ERVFRD-1: variants seen among roughly 807,000 people sequenced by gnomAD.
ERVFRD-1 encodes syncytin-2.
A neutral mutation model predicts 43.8 loss-of-function variants in ERVFRD-1; 33 were observed. That is an observed-to-expected ratio of 0.75 (90% CI 0.57 to 1.01). ERVFRD-1 has a LOEUF of 1.01. Among genes scored for constraint, ERVFRD-1 ranks in the 50% least tolerant of loss-of-function variants. The pLI is 0.00. For missense variants in ERVFRD-1, 568 were observed against 658.4 expected (o/e 0.86, Z 1.50); for synonymous variants, 239 against 244.4 (o/e 0.98, Z 0.21).
At chr6:11,107,957 C>T (rs897438273) in intron 1 of ERVFRD-1, among the ~76,000 whole-genome samples, 18 of 152,168 alleles carry the variant, frequency 1.2e-4, no homozygotes, top group Admixed American at 5.9e-4. Flanking sequence ...CCTGTTATTC[C>T]TGAGGCCCAG....
Position 11,104,408 on chromosome 6 carries a change from A to G in ERVFRD-1, c.903T>C (p.Cys301=). The stretch of plus-strand genomic sequence containing the variant: ...GGAGGCATTGGTGAATCGACTGGCC[A>G]CAAATATAAAAGGCTCCTTGAGTTT... The part of the protein sequence containing the change: ...CLKTQGAFYI[C]GQSIHQCLPS... The change falls in exon 2 of 2, where the codon TGT becomes TGC. Residue 301 remains cysteine (C), a synonymous_variant. Transcript: ENST00000472091. The G allele has an allele frequency of 6.4e-7, 1 of 1,551,706 alleles. No homozygotes were observed. Among genetic ancestry groups the G allele is most frequent in the Non-Finnish European group, 8.7e-7 (1 of 1,146,996 alleles).
rs146767799 is a variant in ERVFRD-1, at chr6:11,106,181, C to T, written c.-320-551G>A. ...GGTTGGCTGAACTGAGGAATGAGTT[C>T]CTTTAGGAGGAATTTAGCTACCTCC... On this transcript the variant is annotated intron_variant, in intron 1 of 1. Coordinates refer to ENST00000472091, the MANE Select transcript of ERVFRD-1 (RefSeq NM_207582.3). Among the ~76,000 whole-genome samples, 829 of 152,252 alleles carry T rather than the reference C, an allele frequency of 5.4e-3. 3 individuals are homozygous for T. The highest frequency in any genetic ancestry group is 0.02 in the Middle Eastern group (6 of 294).
At chr6:11,110,175 A>G (rs1758146947) in intron 1 of ERVFRD-1, among the ~76,000 whole-genome samples, 2 of 152,166 alleles carry the variant, frequency 1.3e-5, no homozygotes, top group Non-Finnish European at 1.5e-5. Context: ...CCTCCCACTC[A>G]TCCAAGGGGT....
At chr6:11,106,890 C>T (rs1172553844) in intron 1 of ERVFRD-1, among the ~76,000 whole-genome samples, 1 of 152,226 alleles carries the variant, frequency 6.6e-6, no homozygotes, top group Admixed American at 6.5e-5. Flanking sequence ...GGTACACCCT[C>T]TCCTTCCAGA....
intron 1 of ERVFRD-1, among the ~76,000 whole-genome samples, chr6:11,106,822 G>A (rs2113646280): frequency 6.6e-6 from 1 of 152,356 alleles, no homozygotes; most frequent in East Asian, 1.9e-4. Flanking sequence ...CAAATGAACA[G>A]CTTCTAATAG....
chr6:11,104,430 G>C lies in ERVFRD-1; in HGVS notation c.881C>G (p.Thr294Ser). 6.4e-7 allele frequency: 1 copy of C among 1,551,680 alleles called. No homozygotes were observed. The highest frequency in any genetic ancestry group is 1.2e-5 in the South Asian group (1 of 84,084). ...FHFHISTCLK[T>S]QGAFYICGQS... is the part of the protein sequence containing the mutation. ...GCCACAAATATAAAAGGCTCCTTGA[G>C]TTTTAAGGCATGTAGAGATATGGAA... The change falls in exon 2 of 2, where the codon ACT (threonine) becomes AGT (serine). Residue 294 changes from threonine to serine, a missense_variant. Transcript: ENST00000472091.
intron 1 of ERVFRD-1, among the ~76,000 whole-genome samples, chr6:11,108,860 G>A (rs771065517): frequency 6.6e-6 from 1 of 152,148 alleles, no homozygotes; most frequent in Non-Finnish European, 1.5e-5. Context: ...CTGGGTCTAG[G>A]TTAGTGTGTT....
intron 1 of ERVFRD-1, among the ~76,000 whole-genome samples, chr6:11,108,010 T>C (rs1314496580): frequency 6.6e-6 from 1 of 152,132 alleles, no homozygotes; most frequent in East Asian, 1.9e-4. Flanking sequence ...TTCATCCTTG[T>C]GTATGGTTTC....
chr6:11,103,963 C>G lies in ERVFRD-1; in HGVS notation c.1348G>C (p.Asp450His). ...FWVNQSGKVQ[D>H]NIRQLLNQAS... ...TGATTTAGGAGTTGTCTGATGTTGT[C>G]TTGTACTTTTCCTGATTGATTTACC... The change falls in exon 2 of 2, where the codon GAC (aspartate) becomes CAC (histidine). Residue 450 changes from aspartate (D) to histidine (H), a missense_variant. Asp to His is a moderately conservative substitution (Grantham distance 81). Coordinates refer to ENST00000472091, the MANE Select transcript of ERVFRD-1 (RefSeq NM_207582.3). The G allele has an allele frequency of 1.3e-6, 2 of 1,551,680 alleles. No individual in the cohort carries two copies. Among genetic ancestry groups the G allele is most frequent in the Non-Finnish European group, 1.7e-6 (2 of 1,146,992 alleles).
chr6:11,103,749 T>G lies in ERVFRD-1; in HGVS notation c.1562A>C (p.Gln521Pro). The G allele has an allele frequency of 6.4e-7, 1 of 1,551,680 alleles. No homozygotes were observed. The highest frequency in any genetic ancestry group is 1.2e-5 in the South Asian group (1 of 84,064). The change falls in exon 2 of 2, where the codon CAG (glutamine) becomes CCG (proline). Residue 521 changes from glutamine (Q) to proline (P), a missense_variant. Gln to Pro is a moderately conservative substitution (Grantham distance 76). Coordinates refer to ENST00000472091, the MANE Select transcript of ERVFRD-1 (RefSeq NM_207582.3). ...VSSRLQAIKL[Q>P]TNLSAGRHPR... is the part of the protein sequence containing the mutation. ...ATGGCGTCCTGCACTGAGATTCGTC[T>G]GGAGCTTTATGGCCTGAAGGCGAGA... is the stretch of plus-strand genomic sequence containing the variant.
chr6:11,105,159 G>A lies in ERVFRD-1; in HGVS notation c.152C>T (p.Thr51Ile). The change falls in exon 2 of 2, where the codon ACT (threonine) becomes ATT (isoleucine). Residue 51 changes from threonine (T) to isoleucine (I), a missense_variant. Physicochemically the swap from Thr to Ile is moderately conservative, Grantham distance 89. Transcript: ENST00000472091. ...TGGATAAGCTGTCCCTGGTGTTTCA[G>A]TGGAAGAGCTAGTACATAACCAGCA... Reference protein sequence around the residue: ...TNCWLCTSSSTETPGTAYPAS... With the variant: ...TNCWLCTSSSIETPGTAYPAS... The A allele has an allele frequency of 6.2e-7, 1 of 1,614,242 alleles. No individual in the cohort carries two copies. Among genetic ancestry groups the A allele is most frequent in the Non-Finnish European group, 8.5e-7 (1 of 1,180,050 alleles).
At chr6:11,105,981 G>A (rs776962745) in intron 1 of ERVFRD-1, among the ~76,000 whole-genome samples, 1 of 152,176 alleles carries the variant, frequency 6.6e-6, no homozygotes, top group Non-Finnish European at 1.5e-5. Flanking sequence ...TACACCCATG[G>A]CTGTGCTGTT....
At position 11,105,091 on chromosome 6, in the gene ERVFRD-1, T is replaced by C. The variant is rs763043224; in HGVS notation, c.220A>G (p.Ile74Val). 1 of 1,614,136 alleles carries C rather than the reference T, an allele frequency of 6.2e-7. No individual in the cohort carries two copies. The highest frequency in any genetic ancestry group is 1.1e-5 in the South Asian group (1 of 91,076). Reference protein sequence around the residue: ...EWTSIEAELHISYRWDPNLKG... With the variant: ...EWTSIEAELHVSYRWDPNLKG... ...AGATTAGGGTCCCATCGATAGGAAA[T>C]ATGTAATTCCGCCTCTATGCTTGTC... Residue 74 changes from isoleucine (I) to valine (V), a missense_variant, in exon 2 of 2, where the codon ATT (isoleucine) becomes GTT (valine). Ile to Val is a conservative substitution (Grantham distance 29, BLOSUM62 3). Coordinates refer to ENST00000472091, the MANE Select transcript of ERVFRD-1 (RefSeq NM_207582.3).
intron 1 of ERVFRD-1, among the ~76,000 whole-genome samples, chr6:11,110,852 A>G (rs561098310): frequency 6.6e-6 from 1 of 152,260 alleles, no homozygotes; most frequent in East Asian, 1.9e-4. Context: ...CTTCCCCACA[A>G]AGGGGTGCTA....
chr6:11,111,570 C>T (rs77539083), intron 1 of ERVFRD-1, 107 bp downstream of exon 1: 22,086 of 152,376 alleles, frequency 0.14, 2,221 homozygotes, highest in South Asian at 0.33. Flanking sequence ...TGAGAGGAAT[C>T]GTTCCAGGGG....
In ERVFRD-1 at chr6:11,104,703, C is replaced by T. The variant is rs766557849; in HGVS notation, c.608G>A (p.Arg203Gln). 40 of 1,614,090 alleles carry T rather than the reference C, an allele frequency of 2.5e-5. No homozygotes were observed. Among genetic ancestry groups the T allele is most frequent in the South Asian group, 1.1e-4 (10 of 91,076 alleles). ...CQGRPSSCST[R>Q]NFWFRPADYN... is the part of the protein sequence containing the mutation. Reference sequence around the variant, plus strand: ...ATCAGCAGGCCGGAACCAGAAGTTTCGAGTACTGCATGAGCTTGGGCGTCC... The same window carrying T: ...ATCAGCAGGCCGGAACCAGAAGTTTTGAGTACTGCATGAGCTTGGGCGTCC... Residue 203 changes from arginine to glutamine, a missense_variant, in exon 2 of 2, where the codon CGA becomes CAA. Physicochemically the swap from Arg to Gln is conservative, Grantham distance 43. Transcript: ENST00000472091.
In ERVFRD-1 at chr6:11,104,277, A is replaced by C; in HGVS notation, c.1034T>G (p.Leu345Trp). Residue 345 changes from leucine to tryptophan, a missense_variant, in exon 2 of 2, where the codon TTG (leucine) becomes TGG (tryptophan). Transcript: ENST00000472091. ...ATGGATTGCCCTCCTCACCCTGGGC[A>C]ACGGGGAATTCCCATAGATTGGTAT... is the stretch of plus-strand genomic sequence containing the variant. Reference protein sequence around the residue: ...LPIPIYGNSPLPRVRRAIHFI... With the variant: ...LPIPIYGNSPWPRVRRAIHFI... 1.3e-6 allele frequency: 2 copies of C among 1,551,702 alleles called. No individual in the cohort carries two copies. The highest frequency in any genetic ancestry group is 1.7e-6 in the Non-Finnish European group (2 of 1,146,994).
rs1758072028 is a variant in ERVFRD-1, at chr6:11,105,480, T to C, written c.-170A>G. 2 of 599,364 alleles carry C rather than the reference T, an allele frequency of 3.3e-6. No homozygotes were observed. The highest frequency in any genetic ancestry group is 6.0e-6 in the Non-Finnish European group (2 of 333,594). 37.1% of individuals were successfully genotyped at this position (599,364 alleles called of 1,614,324 possible). On this transcript the variant is annotated 5_prime_UTR_variant, in exon 2 of 2. Coordinates refer to ENST00000472091, the MANE Select transcript of ERVFRD-1 (RefSeq NM_207582.3). ...GATGTTGGTGGGGCATTACTTATCT[T>C]TTTGTTTAAAGAGGAATTTTAGATC...
intron 1 of ERVFRD-1, 140 bp downstream of exon 1, chr6:11,111,537 A>C (rs1256468635): frequency 3.3e-5 from 5 of 152,896 alleles, no homozygotes; most frequent in Non-Finnish European, 5.8e-5. Flanking sequence ...GAGAGCAGCC[A>C]GGGGGAGCAG....
Sources: gnomAD v4.1 joint callset for allele counts (sites outside exome capture counted in the v4.1 genomes callset) on GRCh38, gnomAD v4.1.1 for gene constraint, MANE v1.5 for transcripts, NCBI Gene and HGNC (gene_info 2026-07-23, HGNC 2026-07-21) for gene names.